Variants in TMBIM4 observed in about 807,000 individuals in gnomAD.
The protein encoded by TMBIM4 is transmembrane BAX inhibitor motif containing 4, also known as protein lifeguard 4.
TMBIM4 carries 28 observed loss-of-function variants against 27.7 expected under a neutral mutation model. That is an observed-to-expected ratio of 1.01 (90% CI 0.75 to 1.38). The LOEUF (loss-of-function observed/expected upper bound fraction) is 1.38. TMBIM4 is among the 40% of genes most tolerant of loss of function. The probability of loss-of-function intolerance (pLI) is 0.00; values close to 1 mark genes in which losing one functional copy is unlikely to be tolerated. For missense variants in TMBIM4, 265 were observed against 277.5 expected (o/e 0.95, Z 0.32); for synonymous variants, 115 against 113.1 (o/e 1.02, Z -0.11).
At chr12:66,161,846 G>A (rs1413240295) in intron 1 of TMBIM4, among the ~76,000 whole-genome samples, 1 of 152,168 alleles carries the variant, frequency 6.6e-6, no homozygotes, top group Non-Finnish European at 1.5e-5. Flanking sequence ...AGCTCTTTGG[G>A]AGGCCAACAT....
intron 1 of TMBIM4, among the ~76,000 whole-genome samples, chr12:66,160,489 A>C (rs1479679924): frequency 6.6e-6 from 1 of 152,230 alleles, no homozygotes; most frequent in Non-Finnish European, 1.5e-5. Context: ...TAAATAAATT[A>C]TGGTATATAC....
rs1189088236 is a variant in TMBIM4 at position 66,169,861 on chromosome 12, G to C, written c.91C>G (p.Arg31Gly). ...SSVASATVHIRMAFLRKVYSI... is the reference protein window; with the variant it reads ...SSVASATVHIGMAFLRKVYSI... ...TGGAGAGGGGACAACGTACCCATTC[G>C]GATGTGCACGGTGGCGGAGGCCACG... The change falls in exon 1 of 7, where the codon CGA (arginine) becomes GGA (glycine). Residue 31 changes from arginine (R) to glycine (G), a missense_variant. Coordinates refer to ENST00000358230, the MANE Select transcript of TMBIM4 (RefSeq NM_016056.4). 1 of 1,512,322 alleles carries C rather than the reference G, an allele frequency of 6.6e-7. No individual in the cohort carries two copies. The highest frequency in any genetic ancestry group is 8.8e-7 in the Non-Finnish European group (1 of 1,130,276). 93.7% of individuals were successfully genotyped at this position (1,512,322 alleles called of 1,614,324 possible). A position where few individuals can be genotyped will look rare whatever the true frequency, so the allele number is the denominator to read the frequency against.
At chr12:66,163,484 CAT>C (rs927251366) in intron 1 of TMBIM4, among the ~76,000 whole-genome samples, 10 of 152,080 alleles carry the variant, frequency 6.6e-5, no homozygotes, top group African/African-American at 2.2e-4. Flanking sequence ...GGGAAGCAAA[CAT>C]GTCCTTCTTC....
chr12:66,158,949 G>A (rs1292378938), intron 1 of TMBIM4, among the ~76,000 whole-genome samples: 1 of 152,224 alleles, frequency 6.6e-6, no homozygotes, highest in Non-Finnish European at 1.5e-5. Flanking sequence ...GCTACACCCA[G>A]TGAGCTTCAA....
chr12:66,152,730 G>T (rs538632941), intron 2 of TMBIM4, among the ~76,000 whole-genome samples: 1 of 152,170 alleles, frequency 6.6e-6, no homozygotes, highest in Admixed American at 6.5e-5. Context: ...CCATATGGCT[G>T]TAATTTAAAT....
chr12:66,157,918 G>A (rs1432283949), intron 1 of TMBIM4, among the ~76,000 whole-genome samples: 3 of 152,124 alleles, frequency 2.0e-5, no homozygotes, highest in Non-Finnish European at 4.4e-5. Context: ...GAGATACACA[G>A]CTAAAGGAAG....
intron 3 of TMBIM4, among the ~76,000 whole-genome samples, chr12:66,148,438 TCA>T (rs1353396817): frequency 6.6e-6 from 1 of 152,220 alleles, no homozygotes; most frequent in Non-Finnish European, 1.5e-5. Context: ...CTGCATTTTT[TCA>T]GTCTCCTTTG....
chr12:66,162,088 G>A (rs1039130566), intron 1 of TMBIM4, among the ~76,000 whole-genome samples: 1 of 144,550 alleles, frequency 6.9e-6, no homozygotes, highest in Non-Finnish European at 1.5e-5. Flanking sequence ...AAAAAAAAAA[G>A]GCCATTCTTC....
At chr12:66,141,399 T>C (rs1056887767) in intron 5 of TMBIM4, among the ~76,000 whole-genome samples, 6 of 152,044 alleles carry the variant, frequency 3.9e-5, no homozygotes, top group African/African-American at 7.2e-5. Context: ...TTTAAAGTCA[T>C]ATATTATAAA....
intron 1 of TMBIM4, 43 bp downstream of exon 1, chr12:66,169,812 T>C (rs377146544): frequency 1.3e-5 from 19 of 1,458,996 alleles, no homozygotes; most frequent in Admixed American, 2.5e-5. Context: ...GGCCGAGCAG[T>C]GCAGACAAGC....
chr12:66,148,311 T>C (rs1265368715), intron 3 of TMBIM4, among the ~76,000 whole-genome samples: 2 of 152,180 alleles, frequency 1.3e-5, no homozygotes, highest in Non-Finnish European at 2.9e-5. Flanking sequence ...ATAGGAAGAA[T>C]AAAATATTTA....
At chr12:66,142,395 T>A (rs1035081424) in intron 5 of TMBIM4, among the ~76,000 whole-genome samples, 4 of 150,328 alleles carry the variant, frequency 2.7e-5, no homozygotes, top group African/African-American at 9.8e-5. Context: ...ACTTACAGCA[T>A]CCGAGATATT....
intron 1 of TMBIM4, among the ~76,000 whole-genome samples, chr12:66,165,973 G>A (rs538432954): frequency 2.7e-4 from 41 of 152,170 alleles, no homozygotes; most frequent in Admixed American, 5.2e-4. Flanking sequence ...TTGGTGTCAC[G>A]CCCAAGAAAT....
rs746642559 is a variant in TMBIM4, at chr12:66,153,358, C to T, written c.188G>A (p.Arg63Gln). Residue 63 changes from arginine to glutamine, a missense_variant, in exon 2 of 7, where the codon CGG (arginine) becomes CAG (glutamine). Coordinates refer to ENST00000358230, the MANE Select transcript of TMBIM4 (RefSeq NM_016056.4). ...STVFLYFESV[R>Q]TFVHESPALI... ...ACCTTACCTCTCATGTACAAATGTC[C>T]GTACAGACTCAAAGTATAAAAAAAC... 1.1e-5 allele frequency: 18 copies of T among 1,576,886 alleles called. No homozygotes were observed. Among genetic ancestry groups the T allele is most frequent in the South Asian group, 5.8e-5 (5 of 86,698 alleles).
chr12:66,148,857 C>T (rs1005890685), intron 3 of TMBIM4, among the ~76,000 whole-genome samples: 2 of 152,154 alleles, frequency 1.3e-5, no homozygotes, highest in African/African-American at 4.8e-5. Context: ...CTCCCTTTCC[C>T]CTTAATTACA....
chr12:66,155,335 TGAGAGA>T lies in TMBIM4; in HGVS notation c.98-1893_98-1888del, dbSNP rs71697123. On this transcript the variant is annotated intron_variant, in intron 1 of 6. Coordinates refer to ENST00000358230, the MANE Select transcript of TMBIM4 (RefSeq NM_016056.4). ...AGGATGGGGTGTGTGTGCACACGTG[TGAGAGA>T]GAGAGAGAGAGAGAGAGAGGCAGGG... is the stretch of plus-strand genomic sequence containing the variant. 4.3e-3 allele frequency among the ~76,000 whole-genome samples: 564 copies of T among 131,696 alleles called. 5 individuals carry two copies. Among genetic ancestry groups the T allele is most frequent in the African/African-American group, 0.014 (520 of 38,436 alleles). 86.4% of individuals were successfully genotyped at this position (131,696 alleles called of 152,430 possible).
intron 5 of TMBIM4, among the ~76,000 whole-genome samples, chr12:66,142,698 A>G (rs2051688502): frequency 6.6e-6 from 1 of 151,906 alleles, no homozygotes; most frequent in South Asian, 2.1e-4. Context: ...ACTATTGGAA[A>G]AAAAAAACCC....
chr12:66,154,436 C>G (rs1320166117), intron 1 of TMBIM4, among the ~76,000 whole-genome samples: 1 of 152,162 alleles, frequency 6.6e-6, no homozygotes, highest in Non-Finnish European at 1.5e-5. Context: ...ATTGCATAAA[C>G]AGTCGTTAAA....
intron 5 of TMBIM4, among the ~76,000 whole-genome samples, chr12:66,141,307 T>G (rs1215039230): frequency 6.6e-6 from 1 of 152,122 alleles, no homozygotes; most frequent in Non-Finnish European, 1.5e-5. Context: ...AACTAAAAGT[T>G]ACGGCAACAA....
Sources: gnomAD v4.1 joint callset for allele counts (sites outside exome capture counted in the v4.1 genomes callset) on GRCh38, gnomAD v4.1.1 for gene constraint, MANE v1.5 for transcripts, NCBI Gene and HGNC (gene_info 2026-07-23, HGNC 2026-07-21) for gene names.